The following CACNA1H variants were observed in gnomAD, a reference collection of about 807,000 sequenced individuals.
CACNA1H encodes the protein calcium voltage-gated channel subunit alpha1 H, also known as voltage-dependent T-type calcium channel subunit alpha-1H.
CACNA1H carries 149 observed loss-of-function variants against 192.5 expected under a neutral mutation model. That is an observed-to-expected ratio of 0.77 (90% confidence interval 0.68 to 0.89). The LOEUF (loss-of-function observed/expected upper bound fraction) is 0.89, where lower values mean the gene tolerates loss of function less well. CACNA1H is among the 40% of genes least tolerant of loss of function. CACNA1H has a pLI of 0.00. For synonymous variants in CACNA1H, 2,202 were observed against 1,475.2 expected, an observed-to-expected ratio of 1.49 and a Z score of -11.29; for missense variants, 4,257 against 3,423.5, an observed-to-expected ratio of 1.24 and a Z score of -6.08.
intron 2 of CACNA1H, among the ~76,000 whole-genome samples, chr16:1,173,870 C>CA (rs1964607559): frequency 6.6e-6 from 1 of 152,120 alleles, no homozygotes; most frequent in South Asian, 2.1e-4. Context: ...AGTGGGACCT[C>CA]ACGTCACGTG....
chr16:1,196,875 G>T (rs116622950), intron 5 of CACNA1H, among the ~76,000 whole-genome samples: 2,418 of 152,254 alleles, frequency 0.016, 36 homozygotes, highest in East Asian at 0.046. Context: ...GGTTCCTGGG[G>T]GTCGGCGCGG....
At chr16:1,192,653 G>A (rs566252432) in intron 2 of CACNA1H, among the ~76,000 whole-genome samples, 2 of 152,294 alleles carry the variant, frequency 1.3e-5, no homozygotes, top group African/African-American at 4.8e-5. Context: ...TACAGGGAGG[G>A]TGTGAAAGGC....
At chr16:1,165,481 C>A (rs1963665748) in intron 2 of CACNA1H, among the ~76,000 whole-genome samples, 1 of 152,184 alleles carries the variant, frequency 6.6e-6, no homozygotes, top group African/African-American at 2.4e-5. Context: ...GGGCCGAGCC[C>A]CCGTCCTGCG....
At chr16:1,171,231 C>G (rs797013261) in intron 2 of CACNA1H, among the ~76,000 whole-genome samples, 51 of 152,184 alleles carry the variant, frequency 3.4e-4, no homozygotes, top group African/African-American at 1.2e-3. Context: ...ATCACCTCCT[C>G]GTGGGGAGGT....
intron 2 of CACNA1H, among the ~76,000 whole-genome samples, chr16:1,176,836 G>T (rs931398490): frequency 6.6e-6 from 1 of 152,174 alleles, no homozygotes; most frequent in African/African-American, 2.4e-5. Flanking sequence ...CTTCCCCCGC[G>T]TCTCTTCACC....
At chr16:1,196,960 A>G (rs1967057390) in intron 5 of CACNA1H, among the ~76,000 whole-genome samples, 1 of 152,082 alleles carries the variant, frequency 6.6e-6, no homozygotes. Context: ...TGCGGGTGTA[A>G]CACAGCCTTT....
In CACNA1H at chr16:1,207,252, C is replaced by T. The variant is rs758214946; in HGVS notation, c.2908-23C>T. The T allele has an allele frequency of 8.2e-6, 13 of 1,591,350 alleles. No homozygotes were observed. In the African/African-American group the frequency reaches 1.1e-4, roughly 13 times the overall value. On this transcript the variant is annotated intron_variant, in intron 13 of 34. Coordinates refer to ENST00000348261, the MANE Select transcript of CACNA1H (RefSeq NM_021098.3). The stretch of plus-strand genomic sequence containing the variant: ...GCATTTCGGGGCTGGGGTGACCACC[C>T]CAGGCCCCCTGCTATCCCCCAGATC...
Position 1,167,424 on chromosome 16 carries a change from C to T in CACNA1H, c.299+13388C>T, listed in dbSNP as rs1294877697. On this transcript the variant is annotated intron_variant, in intron 2 of 34. Transcript: ENST00000348261. The surrounding 1 kb of genome is among the most constrained non-coding windows in gnomAD (Gnocchi z 4.2). ...TTTGCACGGCATCCATCCCTCCATCCGTCCTCTGGAGAATTTCAACACCCA... is the reference window on the plus strand; with the variant it reads ...TTTGCACGGCATCCATCCCTCCATCTGTCCTCTGGAGAATTTCAACACCCA... 2.6e-5 allele frequency among the ~76,000 whole-genome samples: 4 copies of T among 152,126 alleles called. No individual in the cohort carries two copies. The highest frequency in any genetic ancestry group is 1.9e-4 in the East Asian group (1 of 5,184).
rs1330582734 is a variant in CACNA1H, at chr16:1,180,201, G to A, written c.300-14771G>A. On this transcript the variant is annotated intron_variant, in intron 2 of 34. Coordinates refer to ENST00000348261, the MANE Select transcript of CACNA1H (RefSeq NM_021098.3). The surrounding 1 kb of genome is among the most constrained non-coding windows in gnomAD (Gnocchi z 4.4). The stretch of plus-strand genomic sequence containing the variant: ...GGTCAGCCGGCTCCTGGGTGCACAG[G>A]CAGGTGGTGTGCGTCCGCATTGCAG... Among the ~76,000 whole-genome samples the A allele has an allele frequency of 6.6e-6, 1 of 152,264 alleles. No individual in the cohort carries two copies. The highest frequency in any genetic ancestry group is 1.9e-4 in the East Asian group (1 of 5,200).
chr16:1,218,075 GC>G lies in CACNA1H; in HGVS notation c.5445+39del, dbSNP rs770308222. 1.4e-4 allele frequency: 225 copies of G among 1,584,686 alleles called. 1 individual carries two copies. The highest frequency in any genetic ancestry group is 9.9e-4 in the Middle Eastern group (6 of 6,034). ...GCGGCCATGCCTCTGGCACCTGGCA[GC>G]CCCAGCGGTTTTTCAGGCTCTCCCA... On this transcript the variant is annotated intron_variant, in intron 32 of 34. Coordinates refer to ENST00000348261, the MANE Select transcript of CACNA1H (RefSeq NM_021098.3).
intron 2 of CACNA1H, among the ~76,000 whole-genome samples, chr16:1,189,619 A>C (rs1204258750): frequency 1.3e-5 from 2 of 151,592 alleles, no homozygotes; most frequent in African/African-American, 4.8e-5. Context: ...ATGGGGTCTC[A>C]CTGTGTTGCC....
chr16:1,194,108 G>A (rs1966839185), intron 2 of CACNA1H, among the ~76,000 whole-genome samples: 1 of 150,736 alleles, frequency 6.6e-6, no homozygotes, highest in Non-Finnish European at 1.5e-5. Flanking sequence ...CGCCAGGTGG[G>A]TGCTGGGAAG....
rs973334540 is a variant in CACNA1H, at chr16:1,200,757, C to A, written c.1161C>A (p.Val387=). Residue 387 remains valine (V), a synonymous_variant, in exon 8 of 35, where the codon GTC becomes GTA. Coordinates refer to ENST00000348261, the MANE Select transcript of CACNA1H (RefSeq NM_021098.3). Reference sequence around the variant, plus strand: ...GCTGGGTGGACATCATGTACTACGTCATGGACGCCCACTCATTCTACAACT... The same window carrying A: ...GCTGGGTGGACATCATGTACTACGTAATGGACGCCCACTCATTCTACAACT... ...LEGWVDIMYY[V]MDAHSFYNFI... is the part of the protein sequence containing the mutation. 2.6e-6 allele frequency: 4 copies of A among 1,557,034 alleles called. No homozygotes were observed. The highest frequency in any genetic ancestry group is 1.7e-4 in the Middle Eastern group (1 of 6,000).
chr16:1,203,062 C>T (rs772065627), intron 9 of CACNA1H, among the ~76,000 whole-genome samples: 1 of 152,144 alleles, frequency 6.6e-6, no homozygotes, highest in Non-Finnish European at 1.5e-5. Context: ...TGTAGAGACG[C>T]AGGCGGGGGT....
In CACNA1H at chr16:1,200,519, A is replaced by C; in HGVS notation, c.1067A>C (p.Asn356Thr). Residue 356 changes from asparagine (N) to threonine (T), a missense_variant, in exon 7 of 35, where the codon AAC becomes ACC. By Grantham distance (65) the Asn-to-Thr change is moderately conservative. Coordinates refer to ENST00000348261, the MANE Select transcript of CACNA1H (RefSeq NM_021098.3). ...VCRSGDSNPH[N>T]GAINFDNIGY... Reference sequence around the variant, plus strand: ...CGCTCGGGTGACTCCAACCCCCACAACGGTGCCATCAACTTCGACAACATC... The same window carrying C: ...CGCTCGGGTGACTCCAACCCCCACACCGGTGCCATCAACTTCGACAACATC... The C allele has an allele frequency of 5.0e-6, 8 of 1,612,222 alleles. No homozygotes were observed. The highest frequency in any genetic ancestry group is 6.8e-6 in the Non-Finnish European group (8 of 1,179,682).
rs77028022 is a variant in CACNA1H at position 1,205,598 on chromosome 16, C to G, written c.2603+333C>G. On this transcript the variant is annotated intron_variant, in intron 11 of 34. Coordinates refer to ENST00000348261, the MANE Select transcript of CACNA1H (RefSeq NM_021098.3). The stretch of plus-strand genomic sequence containing the variant: ...GGCCTCAGGGCCGAGCGAGAAAGAC[C>G]AGCTTAAAAGGCTGAATCCTGCTTG... Among the ~76,000 whole-genome samples, 236 of 152,318 alleles carry G rather than the reference C, an allele frequency of 1.5e-3. 4 individuals are homozygous for G. The East Asian group carries it at 0.041, about 27-fold the overall frequency.
chr16:1,194,909 TGGAG>T, intron 2 of CACNA1H, 59 bp from the exon 3 acceptor site: 1 of 1,239,778 alleles, frequency 8.1e-7, no homozygotes, highest in Non-Finnish European at 1.2e-6. Flanking sequence ...GGTGGGCATT[TGGAG>T]GGCCCCATGG....
intron 5 of CACNA1H, among the ~76,000 whole-genome samples, chr16:1,196,683 G>A (rs1236580623): frequency 6.6e-6 from 1 of 152,214 alleles, no homozygotes; most frequent in Non-Finnish European, 1.5e-5. Flanking sequence ...AGGGGGCCTG[G>A]TGGAGAGGAG....
At chr16:1,200,041 C>T (rs544880540) in intron 6 of CACNA1H, among the ~76,000 whole-genome samples, 1 of 152,292 alleles carries the variant, frequency 6.6e-6, no homozygotes, top group East Asian at 1.9e-4. Flanking sequence ...GTTCTTGACC[C>T]TGGTCCTGGC....
Sources: allele counts gnomAD v4.1 joint callset (sites outside exome capture counted in the v4.1 genomes callset), GRCh38; gene constraint gnomAD v4.1.1; non-coding constraint Gnocchi (gnomAD v3.1); transcripts MANE v1.5; gene names NCBI Gene and HGNC (gene_info 2026-07-23, HGNC 2026-07-21).